The following PCBD2 variants were observed in gnomAD, a reference collection of about 807,000 sequenced individuals.
The protein encoded by PCBD2 is pterin-4-alpha-carbinolamine dehydratase 2.
PCBD2 carries 12 observed loss-of-function variants against 16.4 expected under a neutral mutation model. The ratio of observed to expected loss-of-function variants is 0.73; its 90% confidence interval spans 0.47 to 1.19. PCBD2 has a LOEUF of 1.19. PCBD2 is among the 50% of genes most tolerant of loss of function. The pLI is 0.00. For synonymous variants in PCBD2, 58 were observed against 61.8 expected, an observed-to-expected ratio of 0.94 and a Z score of 0.29; for missense variants, 138 against 156.8, an observed-to-expected ratio of 0.88 and a Z score of 0.64.
intron 2 of PCBD2, among the ~76,000 whole-genome samples, chr5:134,944,741 C>T (rs543828791): frequency 1.1e-4 from 16 of 152,262 alleles, no homozygotes; most frequent in South Asian, 4.1e-4. Flanking sequence ...TGGGAAAGAC[C>T]GGCTCAGCCT....
At chr5:134,932,428 G>A (rs1001801430) in intron 2 of PCBD2, among the ~76,000 whole-genome samples, 10 of 151,880 alleles carry the variant, frequency 6.6e-5, no homozygotes, top group Non-Finnish European at 1.3e-4. Context: ...TGCAACCTCC[G>A]TCTCCTGGGT....
intron 2 of PCBD2, among the ~76,000 whole-genome samples, chr5:134,946,077 A>G (rs1751292206): frequency 6.6e-6 from 1 of 151,044 alleles, no homozygotes; most frequent in African/African-American, 2.4e-5. Flanking sequence ...TATTAAATAA[A>G]TAAATATACT....
chr5:134,926,892 A>T (rs1751008035), intron 2 of PCBD2: 2 of 398,486 alleles, frequency 5.0e-6, no homozygotes, highest in African/African-American at 4.1e-5. Flanking sequence ...TGTGGTTACT[A>T]GCACAGAGAG....
At chr5:134,944,135 G>A (rs951289378) in intron 2 of PCBD2, among the ~76,000 whole-genome samples, 6 of 152,270 alleles carry the variant, frequency 3.9e-5, no homozygotes, top group Admixed American at 1.3e-4. Flanking sequence ...GTTATCTGCC[G>A]AATGCACATG....
chr5:134,925,280 G>T, intron 2 of PCBD2: 1 of 398,510 alleles, frequency 2.5e-6, no homozygotes, highest in South Asian at 1.3e-4. Context: ...TCGATGATGT[G>T]GTCTTTGGAG....
chr5:134,954,136 T>G (rs745845596), intron 2 of PCBD2, among the ~76,000 whole-genome samples: 1 of 152,134 alleles, frequency 6.6e-6, no homozygotes, highest in Non-Finnish European at 1.5e-5. Flanking sequence ...TTTTAAAATT[T>G]TTTTTGTAGA....
rs1309030453 is a variant in PCBD2, at chr5:134,910,431, A to G, written c.181A>G (p.Ile61Val). The G allele has an allele frequency of 3.7e-6, 6 of 1,614,172 alleles. No individual in the cohort carries two copies. Among genetic ancestry groups the G allele is most frequent in the Middle Eastern group, 3.3e-4 (2 of 6,062 alleles). The change falls in exon 2 of 4, where the codon ATC (isoleucine) becomes GTC (valine). Residue 61 changes from isoleucine (I) to valine (V), a missense_variant. Ile to Val is a conservative substitution (Grantham distance 29). Transcript: ENST00000254908. ...GTCGGAATTAAGTGAGAGAGATGCC[A>G]TCTACAAAGAATTCTCCTTCCACAA... ...GWSELSERDAIYKEFSFHNFN... is the reference protein window; with the variant it reads ...GWSELSERDAVYKEFSFHNFN...
chr5:134,953,380 G>GTA (rs564981007), intron 2 of PCBD2, among the ~76,000 whole-genome samples: 66 of 147,702 alleles, frequency 4.5e-4, no homozygotes, highest in South Asian at 8.4e-4. Context: ...ATAGTATATC[G>GTA]TATATATATA....
At position 134,962,072 on chromosome 5, in the gene PCBD2, T is replaced by TTGTGTGTGTGTGTGTGTG. The variant is rs58911694; in HGVS notation, c.*1409_*1426dup. Among the ~76,000 whole-genome samples, 203 of 140,580 alleles carry TTGTGTGTGTGTGTGTGTG rather than the reference T, an allele frequency of 1.4e-3. No individual in the cohort carries two copies. Among genetic ancestry groups the TTGTGTGTGTGTGTGTGTG allele is most frequent in the African/African-American group, 4.9e-3 (182 of 37,052 alleles). 92.2% of individuals were successfully genotyped at this position (140,580 alleles called of 152,430 possible). A position where few individuals can be genotyped will look rare whatever the true frequency, so the allele number is the denominator to read the frequency against. On this transcript the variant is annotated 3_prime_UTR_variant, in exon 4 of 4. Coordinates refer to ENST00000254908, the MANE Select transcript of PCBD2 (RefSeq NM_032151.5). ...CATTGCCCCCAGCCAGTATAACAGT[T>TTGTGTGTGTGTGTGTGTG]TGTGTGTGTGTGTGTGTGTGTGTGT...
At chr5:134,925,656 C>A in intron 2 of PCBD2, 1 of 397,346 alleles carries the variant, frequency 2.5e-6, no homozygotes, top group South Asian at 1.3e-4. Context: ...GTGGGTTATT[C>A]TCTGCTAGGG....
At chr5:134,946,501 T>C (rs1751297241) in intron 2 of PCBD2, among the ~76,000 whole-genome samples, 2 of 152,274 alleles carry the variant, frequency 1.3e-5, no homozygotes, top group Admixed American at 6.5e-5. Flanking sequence ...TTGCAGAAAA[T>C]ATTAGCAAAT....
chr5:134,958,086 G>A (rs1013551817), intron 2 of PCBD2, among the ~76,000 whole-genome samples: 1 of 152,124 alleles, frequency 6.6e-6, no homozygotes, highest in African/African-American at 2.4e-5. Flanking sequence ...ATTTGTTTAC[G>A]TGGGTGTAAT....
At chr5:134,930,803 C>G (rs1435040414) in intron 2 of PCBD2, among the ~76,000 whole-genome samples, 1 of 152,206 alleles carries the variant, frequency 6.6e-6, no homozygotes, top group South Asian at 2.1e-4. Context: ...CAGGCCTGTT[C>G]GCTGGCTATC....
chr5:134,928,590 T>C (rs1261675564), intron 2 of PCBD2: 26 of 209,772 alleles, frequency 1.2e-4, no homozygotes, highest in Middle Eastern at 3.1e-3. Flanking sequence ...ATCCTAGCAC[T>C]TTGGGAGGCC....
chr5:134,925,428 T>G (rs112362601), intron 2 of PCBD2: 1 of 398,276 alleles, frequency 2.5e-6, no homozygotes, highest in Non-Finnish European at 4.4e-6. Context: ...GGATGATGGA[T>G]CCGGAGCATA....
At chr5:134,939,873 C>T (rs768699205) in intron 2 of PCBD2, among the ~76,000 whole-genome samples, 4 of 152,184 alleles carry the variant, frequency 2.6e-5, no homozygotes, top group African/African-American at 9.7e-5. Context: ...AACCAGCCCT[C>T]TCTTCCTAAA....
intron 2 of PCBD2, among the ~76,000 whole-genome samples, chr5:134,928,935 G>C (rs1473369693): frequency 6.6e-6 from 1 of 152,104 alleles, no homozygotes; most frequent in East Asian, 1.9e-4. Flanking sequence ...TTTCTGGTTT[G>C]GACACTGTTT....
At chr5:134,943,403 A>T (rs1055880019) in intron 2 of PCBD2, among the ~76,000 whole-genome samples, 10 of 152,194 alleles carry the variant, frequency 6.6e-5, no homozygotes, top group Non-Finnish European at 1.5e-4. Context: ...TTAGGACAAA[A>T]AATAATCACT....
intron 2 of PCBD2, among the ~76,000 whole-genome samples, chr5:134,920,031 T>C (rs952940815): frequency 3.3e-5 from 5 of 152,210 alleles, no homozygotes; most frequent in African/African-American, 4.8e-5. Context: ...CTTTCTGCCC[T>C]CAGGAGGGAT....
Sources: allele counts gnomAD v4.1 joint callset (sites outside exome capture counted in the v4.1 genomes callset), GRCh38; gene constraint gnomAD v4.1.1; transcripts MANE v1.5; gene names NCBI Gene and HGNC (gene_info 2026-07-23, HGNC 2026-07-21).